FAM177A1: variants seen among roughly 807,000 people sequenced by gnomAD.
The protein encoded by FAM177A1 is family with sequence similarity 177 member A1.
Under a neutral mutation model 26.1 loss-of-function variants are expected in FAM177A1, and 22 were observed. That is an observed-to-expected ratio of 0.84 (90% CI 0.60 to 1.20). FAM177A1 has a LOEUF of 1.20. FAM177A1 is among the 50% of genes most tolerant of loss of function. The pLI is 0.00. For synonymous variants in FAM177A1, 95 were observed against 99.3 expected, an observed-to-expected ratio of 0.96 and a Z score of 0.26; for missense variants, 296 against 291.1, an observed-to-expected ratio of 1.02 and a Z score of -0.12.
intron 2 of FAM177A1, among the ~76,000 whole-genome samples, chr14:35,063,912 G>A (rs1385603866): frequency 6.6e-6 from 1 of 151,296 alleles, no homozygotes; most frequent in Admixed American, 6.6e-5. Flanking sequence ...GCTGGGCTTG[G>A]TGGCACAAGC....
At position 35,053,124 on chromosome 14, in the gene FAM177A1, C is replaced by A. The variant is rs114897588; in HGVS notation, c.166-154C>A. The stretch of plus-strand genomic sequence containing the variant: ...CATAGTCTTGACACTGTACTCCAGC[C>A]TGAGCAATAGAGTGAGACCATGTCT... On this transcript the variant is annotated intron_variant, in intron 1 of 4. Coordinates refer to ENST00000280987, the MANE Select transcript of FAM177A1 (RefSeq NM_173607.5). The A allele has an allele frequency of 2.5e-5, 16 of 646,268 alleles. No individual in the cohort carries two copies. The African/African-American group carries it at 2.6e-4, about 10-fold the overall frequency. The allele number at this position is 646,268 out of a possible 1,614,324, so 40.0% of individuals were successfully genotyped here.
chr14:35,066,520 T>C (rs1467427448), intron 2 of FAM177A1, among the ~76,000 whole-genome samples: 1 of 150,902 alleles, frequency 6.6e-6, no homozygotes, highest in East Asian at 2.0e-4. Flanking sequence ...TTCTCCTGCC[T>C]CAGTCTCCCT....
At chr14:35,048,915 G>T (rs1244770133) in intron 1 of FAM177A1, among the ~76,000 whole-genome samples, 1 of 149,494 alleles carries the variant, frequency 6.7e-6, no homozygotes, top group African/African-American at 2.5e-5. Context: ...TTTTAAGACG[G>T]AGTCTCACTC....
chr14:35,045,638 A>G (rs766238824), upstream of FAM177A1, among the ~76,000 whole-genome samples: 4 of 152,162 alleles, frequency 2.6e-5, no homozygotes, highest in Non-Finnish European at 2.9e-5. Context: ...TACCTGCAGA[A>G]CCTCAGACTT....
rs2139051870 is a variant in FAM177A1 at position 35,046,822 on chromosome 14, AC to A, written c.165+198del. The A allele has an allele frequency of 1.2e-5, 16 of 1,362,630 alleles. No homozygotes were observed. In the South Asian group the frequency reaches 2.5e-4, roughly 22 times the overall value. The allele number at this position is 1,362,630 out of a possible 1,614,324, so 84.4% of individuals were successfully genotyped here. A position where few individuals can be genotyped will look rare whatever the true frequency, so the allele number is the denominator to read the frequency against. Reference sequence around the variant, plus strand: ...GGAGCGCCCCCCGCCTCACTCACCAACCCCTTGGCTGGCAGCACAGCAGACT... The same window carrying A: ...GGAGCGCCCCCCGCCTCACTCACCAACCCTTGGCTGGCAGCACAGCAGACT... On this transcript the variant is annotated intron_variant, in intron 1 of 4. Coordinates refer to ENST00000280987, the MANE Select transcript of FAM177A1 (RefSeq NM_173607.5).
intron 2 of FAM177A1, among the ~76,000 whole-genome samples, chr14:35,062,910 T>C (rs1405195758): frequency 6.7e-6 from 1 of 149,988 alleles, no homozygotes; most frequent in Non-Finnish European, 1.5e-5. Flanking sequence ...TAAGGTAATT[T>C]TAGAACTCGA....
chr14:35,071,809 C>T (rs537114574), intron 2 of FAM177A1, among the ~76,000 whole-genome samples: 23 of 152,238 alleles, frequency 1.5e-4, no homozygotes, highest in Middle Eastern at 3.4e-3. Context: ...GTGTGACCCC[C>T]CAACTACCCT....
At position 35,077,672 on chromosome 14, in the gene FAM177A1, C is replaced by T. The variant is rs1365470261; in HGVS notation, c.406+456C>T. Among the ~76,000 whole-genome samples, 9 of 150,346 alleles carry T rather than the reference C, an allele frequency of 6.0e-5. No individual in the cohort carries two copies. The South Asian group carries it at 6.4e-4, about 11-fold the overall frequency. The stretch of plus-strand genomic sequence containing the variant: ...TAATTTTTTGTATTTTTAGTAGAGA[C>T]GGGGTTTCACCTTGTTGGCCAGGAT... On this transcript the variant is annotated intron_variant, in intron 3 of 4. Coordinates refer to ENST00000280987, the MANE Select transcript of FAM177A1 (RefSeq NM_173607.5).
At chr14:35,065,474 A>G (rs1488538500) in intron 2 of FAM177A1, among the ~76,000 whole-genome samples, 1 of 149,366 alleles carries the variant, frequency 6.7e-6, no homozygotes, top group Non-Finnish European at 1.5e-5. Flanking sequence ...TTTTTCTCTG[A>G]TAAGATAAGC....
chr14:35,063,400 C>T (rs1007157319), intron 2 of FAM177A1, among the ~76,000 whole-genome samples: 7 of 150,128 alleles, frequency 4.7e-5, no homozygotes, highest in South Asian at 4.2e-4. Flanking sequence ...GGTGAAACCC[C>T]GTCTCTACTA....
At chr14:35,047,010 C>T in intron 1 of FAM177A1, 3 of 1,022,416 alleles carry the variant, frequency 2.9e-6, no homozygotes, top group African/African-American at 1.7e-5. Context: ...CCTGCCTGGG[C>T]ATCTGCCCTT....
chr14:35,075,689 C>T (rs1305912099), intron 2 of FAM177A1, among the ~76,000 whole-genome samples: 1 of 152,156 alleles, frequency 6.6e-6, no homozygotes, highest in Non-Finnish European at 1.5e-5. Flanking sequence ...AAAATTTTTA[C>T]AATCTACTAA....
intron 2 of FAM177A1, among the ~76,000 whole-genome samples, chr14:35,064,281 G>T (rs1168137548): frequency 6.6e-6 from 1 of 152,080 alleles, no homozygotes; most frequent in Non-Finnish European, 1.5e-5. Flanking sequence ...CAGCTACTCG[G>T]GAGGCTGAGG....
In FAM177A1 at chr14:35,046,393, C is replaced by A; in HGVS notation, c.-71C>A. ...AGACTTGGCTAGGCGCGGCGCGAGG[C>A]GGGCGCTGGGCGGGTGAGTCCCACT... On this transcript the variant is annotated 5_prime_UTR_variant, in exon 1 of 5. Coordinates refer to ENST00000280987, the MANE Select transcript of FAM177A1 (RefSeq NM_173607.5). The A allele has an allele frequency of 7.7e-7, 1 of 1,302,472 alleles. No individual in the cohort carries two copies. The highest frequency in any genetic ancestry group is 9.9e-7 in the Non-Finnish European group (1 of 1,011,402). The allele number at this position is 1,302,472 out of a possible 1,614,324, so 80.7% of individuals were successfully genotyped here. A position where few individuals can be genotyped will look rare whatever the true frequency, so the allele number is the denominator to read the frequency against.
intron 2 of FAM177A1, among the ~76,000 whole-genome samples, chr14:35,075,208 T>C (rs2045376923): frequency 6.6e-6 from 1 of 152,232 alleles, no homozygotes. Flanking sequence ...TTTGGAATTA[T>C]AGAACCAAGA....
At chr14:35,058,458 A>G (rs1348144674) in intron 2 of FAM177A1, among the ~76,000 whole-genome samples, 2 of 152,122 alleles carry the variant, frequency 1.3e-5, no homozygotes, top group Admixed American at 6.6e-5. Flanking sequence ...TGTTTAATGT[A>G]CTTTGGTGCT....
intron 2 of FAM177A1, among the ~76,000 whole-genome samples, chr14:35,066,942 C>T (rs150161981): frequency 2.2e-4 from 33 of 151,264 alleles, no homozygotes; most frequent in Middle Eastern, 3.4e-3. Context: ...TACAGGCATG[C>T]GCCACCACGC....
At chr14:35,075,235 G>A (rs1471696249) in intron 2 of FAM177A1, among the ~76,000 whole-genome samples, 1 of 152,188 alleles carries the variant, frequency 6.6e-6, no homozygotes. Context: ...ACGTAGGTGT[G>A]CATTGTGGAT....
rs768445205 is a variant in FAM177A1 at position 35,081,067 on chromosome 14, A to G, written c.550A>G (p.Lys184Glu). ...AAACAGGATGTCTGAAGAAGCAGAA[A>G]AACAATATCAACAGAATAAATTGCA... ...EENRMSEEAE[K>E]QYQQNKLQTD... Residue 184 changes from lysine to glutamate, a missense_variant, in exon 5 of 5, where the codon AAA becomes GAA. Transcript: ENST00000280987. 4.3e-6 allele frequency: 7 copies of G among 1,612,716 alleles called. No individual in the cohort carries two copies. In the South Asian group the frequency reaches 7.7e-5, roughly 18 times the overall value.
Sources: allele counts gnomAD v4.1 joint callset (sites outside exome capture counted in the v4.1 genomes callset), GRCh38; gene constraint gnomAD v4.1.1; transcripts MANE v1.5; gene names NCBI Gene and HGNC (gene_info 2026-07-23, HGNC 2026-07-21).